TMED8: variants seen among roughly 807,000 people sequenced by gnomAD.
The protein encoded by TMED8 is transmembrane p24 trafficking protein family member 8.
In TMED8, 15 loss-of-function variants were observed where a neutral mutation model predicts 32.7. The observed-to-expected ratio is 0.46, with a 90% CI of 0.31 to 0.71. The LOEUF (loss-of-function observed/expected upper bound fraction) is 0.71, where lower values mean the gene tolerates loss of function less well. TMED8 is among the 30% of genes least tolerant of loss of function. The pLI, the probability that TMED8 is intolerant of heterozygous loss-of-function variation, is 0.06. For synonymous variants in TMED8, 147 were observed against 161.4 expected, an observed-to-expected ratio of 0.91 and a Z score of 0.68; for missense variants, 390 against 423.9, an observed-to-expected ratio of 0.92 and a Z score of 0.70.
At chr14:77,354,452 C>T (rs955716503) in intron 1 of TMED8, among the ~76,000 whole-genome samples, 3 of 152,208 alleles carry the variant, frequency 2.0e-5, no homozygotes, top group African/African-American at 7.2e-5. Context: ...ACTAATAATG[C>T]TTTGTTCATT....
intron 1 of TMED8, among the ~76,000 whole-genome samples, chr14:77,364,726 T>G (rs760968420): frequency 1.6e-4 from 24 of 152,140 alleles, no homozygotes; most frequent in Non-Finnish European, 2.8e-4. Context: ...TTTACTTCAT[T>G]TCTATAGGAC....
chr14:77,359,595 G>T, intron 1 of TMED8: 1 of 402,870 alleles, frequency 2.5e-6, no homozygotes, highest in Non-Finnish European at 4.9e-6. Flanking sequence ...CTTTCTACTT[G>T]ATCAAAAAAC....
intron 1 of TMED8, among the ~76,000 whole-genome samples, chr14:77,369,618 C>G (rs889877656): frequency 6.6e-6 from 1 of 152,212 alleles, no homozygotes; most frequent in African/African-American, 2.4e-5. Flanking sequence ...CATGTACCCT[C>G]AGGAGACAAA....
chr14:77,360,856 T>G (rs1217220689), intron 1 of TMED8, among the ~76,000 whole-genome samples: 2 of 152,172 alleles, frequency 1.3e-5, no homozygotes, highest in Non-Finnish European at 2.9e-5. Flanking sequence ...AGGTGATATA[T>G]CTCATTGTGG....
At chr14:77,342,273 C>T (rs1489527065) in intron 5 of TMED8, among the ~76,000 whole-genome samples, 2 of 152,068 alleles carry the variant, frequency 1.3e-5, no homozygotes, top group African/African-American at 2.4e-5. Context: ...AATGATTTAG[C>T]CTGAGAGGAG....
intron 1 of TMED8, among the ~76,000 whole-genome samples, chr14:77,369,910 G>C (rs1893638056): frequency 6.6e-6 from 1 of 152,118 alleles, no homozygotes; most frequent in African/African-American, 2.4e-5. Context: ...GGTGGCTCAT[G>C]CCTGTAAGGG....
In TMED8 at chr14:77,341,930, A is replaced by G. The variant is rs770443279; in HGVS notation, c.819T>C (p.Tyr273=). The change falls in exon 6 of 6, where the codon TAT becomes TAC. Residue 273 remains tyrosine (Y), a synonymous_variant. Coordinates refer to ENST00000216468, the MANE Select transcript of TMED8 (RefSeq NM_213601.3). ...GCCGGTACACAGGCATGACCTCCCCATAGCGACCCCGCAAGGAGCTCCTGG... is the reference window on the plus strand; with the variant it reads ...GCCGGTACACAGGCATGACCTCCCCGTAGCGACCCCGCAAGGAGCTCCTGG... ...RGSRSSLRGR[Y]GEVMPVYRRD... 2.5e-6 allele frequency: 4 copies of G among 1,613,978 alleles called. No individual in the cohort carries two copies. Among genetic ancestry groups the G allele is most frequent in the Admixed American group, 3.3e-5 (2 of 60,006 alleles).
At chr14:77,374,109 T>A (rs1030780597) in intron 1 of TMED8, among the ~76,000 whole-genome samples, 1 of 152,212 alleles carries the variant, frequency 6.6e-6, no homozygotes, top group Non-Finnish European at 1.5e-5. Flanking sequence ...CACCTGAATA[T>A]CCAATTCCAT....
At position 77,341,983 on chromosome 14, in the gene TMED8, C is replaced by G; in HGVS notation, c.766G>C (p.Val256Leu). ...CCTCTCTCCACATCTCCAGCTGGAA[C>G]GGGTTCTGCGTGAGCAAAATGGCAA... The part of the protein sequence containing the change: ...EEEEEEIEEP[V>L]PAGDVERGSR... Residue 256 changes from valine (V) to leucine (L), a missense_variant, in exon 6 of 6, where the codon GTT (valine) becomes CTT (leucine). Transcript: ENST00000216468. The G allele has an allele frequency of 6.2e-7, 1 of 1,613,854 alleles. No individual in the cohort carries two copies. Among genetic ancestry groups the G allele is most frequent in the Non-Finnish European group, 8.5e-7 (1 of 1,179,962 alleles).
chr14:77,361,053 T>A (rs927895905), intron 1 of TMED8, among the ~76,000 whole-genome samples: 1 of 145,664 alleles, frequency 6.9e-6, no homozygotes, highest in Non-Finnish European at 1.5e-5. Flanking sequence ...CTCGGCTCAC[T>A]GCAACAACCT....
At chr14:77,374,980 G>A (rs1893779417) in intron 1 of TMED8, among the ~76,000 whole-genome samples, 1 of 152,152 alleles carries the variant, frequency 6.6e-6, no homozygotes, top group Non-Finnish European at 1.5e-5. Flanking sequence ...CATCCAGACA[G>A]TAAAAACTTG....
intron 1 of TMED8, among the ~76,000 whole-genome samples, chr14:77,362,779 G>GAA (rs1368961038): frequency 6.6e-6 from 1 of 152,070 alleles, no homozygotes; most frequent in Admixed American, 6.6e-5. Context: ...GAAAGTGGAA[G>GAA]AATTGAAAAA....
intron 1 of TMED8, among the ~76,000 whole-genome samples, chr14:77,356,088 T>C (rs1392468999): frequency 3.9e-5 from 6 of 152,210 alleles, no homozygotes; most frequent in African/African-American, 9.6e-5. Context: ...TGTAACACCA[T>C]GAGGTTCAAG....
chr14:77,368,978 G>T (rs1174111479), intron 1 of TMED8, among the ~76,000 whole-genome samples: 2 of 152,006 alleles, frequency 1.3e-5, no homozygotes, highest in East Asian at 3.8e-4. Flanking sequence ...TCACTATATT[G>T]AGATCCGAAA....
In TMED8 at chr14:77,338,553, G is replaced by C. The variant is rs1892819121; in HGVS notation, c.*3218C>G. On this transcript the variant is annotated 3_prime_UTR_variant, in exon 6 of 6. Transcript: ENST00000216468. Reference sequence around the variant, plus strand: ...CTGACCTGGAAACCCCCATCTTCAAGATGTCCTGCCTTTCCAGGCCAAACC... The same window carrying C: ...CTGACCTGGAAACCCCCATCTTCAACATGTCCTGCCTTTCCAGGCCAAACC... 2.0e-5 allele frequency: 3 copies of C among 152,238 alleles called. No individual in the cohort carries two copies. The highest frequency in any genetic ancestry group is 7.2e-5 in the African/African-American group (3 of 41,464). 9.4% of individuals were successfully genotyped at this position (152,238 alleles called of 1,614,324 possible). A position where few individuals can be genotyped will look rare whatever the true frequency, so the allele number is the denominator to read the frequency against.
chr14:77,346,581 C>T, intron 2 of TMED8, 103 bp from the exon 3 acceptor site: 3 of 1,452,210 alleles, frequency 2.1e-6, no homozygotes, highest in Non-Finnish European at 2.8e-6. Flanking sequence ...CCCCCTGCCC[C>T]ACCTGCCCCT....
intron 1 of TMED8, among the ~76,000 whole-genome samples, chr14:77,355,437 C>T (rs1893271040): frequency 6.6e-6 from 1 of 152,140 alleles, no homozygotes; most frequent in Non-Finnish European, 1.5e-5. Flanking sequence ...CTCAGGTGAT[C>T]CACCCGCCTC....
At chr14:77,360,384 T>C (rs1893407784) in intron 1 of TMED8, among the ~76,000 whole-genome samples, 1 of 152,138 alleles carries the variant, frequency 6.6e-6, no homozygotes, top group Non-Finnish European at 1.5e-5. Context: ...ACCACTATTT[T>C]ATCCTGTTTC....
rs564158851 is a variant in TMED8 at position 77,351,314 on chromosome 14, G to A, written c.197+359C>T. Among the ~76,000 whole-genome samples the A allele has an allele frequency of 6.0e-5, 9 of 148,780 alleles. No homozygotes were observed. The South Asian group carries it at 6.5e-4, about 11-fold the overall frequency. The stretch of plus-strand genomic sequence containing the variant: ...AGCCTGTCCAATATGATGAAACCCC[G>A]TCTCTACTAAAAAATACAAAAATTA... On this transcript the variant is annotated intron_variant, in intron 2 of 5. Coordinates refer to ENST00000216468, the MANE Select transcript of TMED8 (RefSeq NM_213601.3).
Sources: gnomAD v4.1 joint callset for allele counts (sites outside exome capture counted in the v4.1 genomes callset) on GRCh38, gnomAD v4.1.1 for gene constraint, MANE v1.5 for transcripts, NCBI Gene and HGNC (gene_info 2026-07-23, HGNC 2026-07-21) for gene names.